PI4KA: variants seen among roughly 807,000 people sequenced by gnomAD.
The protein encoded by PI4KA is phosphatidylinositol 4-kinase alpha, also known as PI4-kinase alpha.
PI4KA carries 122 observed loss-of-function variants against 271.4 expected under a neutral mutation model. The ratio of observed to expected loss-of-function variants is 0.45; its 90% confidence interval spans 0.39 to 0.52. The LOEUF (loss-of-function observed/expected upper bound fraction) is 0.52, where lower values mean the gene tolerates loss of function less well. Ranked by LOEUF, PI4KA falls within the 20% of genes least tolerant of loss-of-function variation. The pLI is 0.00. For synonymous variants in PI4KA, 1,041 were observed against 1,078.8 expected (o/e 0.96, Z 0.69); for missense variants, 1,969 against 2,769.1 (o/e 0.71, Z 6.48).
intron 32 of PI4KA, among the ~76,000 whole-genome samples, chr22:20,739,090 A>C (rs1601375119): frequency 1.3e-5 from 2 of 151,978 alleles, no homozygotes; most frequent in South Asian, 4.2e-4. Flanking sequence ...TCACGCCTAA[A>C]ATCCCAACAC....
Position 20,805,818 on chromosome 22 carries a change from C to T in PI4KA, c.1169-653G>A, listed in dbSNP as rs1211228333. 2.7e-3 allele frequency among the ~76,000 whole-genome samples: 361 copies of T among 133,846 alleles called. 1 individual carries two copies. Among genetic ancestry groups the T allele is most frequent in the African/African-American group, 9.9e-3 (339 of 34,266 alleles). 87.8% of individuals were successfully genotyped at this position (133,846 alleles called of 152,430 possible). On this transcript the variant is annotated intron_variant, in intron 10 of 54. Coordinates refer to ENST00000255882, the MANE Select transcript of PI4KA (RefSeq NM_058004.4). ...CTGCATTCCAGCGTGGGCGACAGAG[C>T]GAGACTCCCATCTCAAAAAAAAAAA...
intron 43 of PI4KA, among the ~76,000 whole-genome samples, chr22:20,719,284 C>G (rs1264645164): frequency 6.6e-6 from 1 of 151,680 alleles, no homozygotes; most frequent in African/African-American, 2.4e-5. Context: ...GTGGGCGGGG[C>G]TCTATATTAA....
rs766479185 is a variant in PI4KA at position 20,729,315 on chromosome 22, G to A, written c.4680C>T (p.Ala1560=). The change falls in exon 39 of 55, where the codon GCC becomes GCT. Residue 1560 remains alanine (A), a splice_region_variant and synonymous_variant. Transcript: ENST00000255882. The part of the protein sequence containing the change: ...ISPYLAVQLP[A]RFKNTEAIGN... ...GGCTGTGGTGCCCGGGGGCCCACCT[G>A]GCAGGCAGCTGCACGGCTAGGTAGG... 2.7e-5 allele frequency: 44 copies of A among 1,612,228 alleles called. No homozygotes were observed. The South Asian group carries it at 4.2e-4, about 15-fold the overall frequency.
chr22:20,854,166 G>A (rs185600469), intron 1 of PI4KA, among the ~76,000 whole-genome samples: 25 of 152,274 alleles, frequency 1.6e-4, no homozygotes, highest in African/African-American at 5.3e-4. Flanking sequence ...TGTCGCCCAA[G>A]CCAGAATGCA....
At chr22:20,818,838 G>GC (rs1300365560) in intron 6 of PI4KA, among the ~76,000 whole-genome samples, 1 of 152,100 alleles carries the variant, frequency 6.6e-6, no homozygotes, top group Admixed American at 6.5e-5. Flanking sequence ...CTTCTTAAGG[G>GC]CACCAACTGT....
At chr22:20,787,027 G>C (rs1427198481) in intron 19 of PI4KA, 2 of 1,614,142 alleles carry the variant, frequency 1.2e-6, no homozygotes, top group Non-Finnish European at 1.7e-6. Context: ...CCAGCTGCCT[G>C]CTCTTCATGG....
At chr22:20,764,622 T>G in intron 22 of PI4KA, 195 bp downstream of exon 22, 2 of 528,020 alleles carry the variant, frequency 3.8e-6, no homozygotes, top group Non-Finnish European at 6.7e-6. Context: ...TACTGGGAGG[T>G]GTTACTATAC....
intron 10 of PI4KA, among the ~76,000 whole-genome samples, chr22:20,805,811 G>A (rs537968099): frequency 4.2e-5 from 6 of 143,308 alleles, no homozygotes; most frequent in Non-Finnish European, 6.0e-5. Context: ...CAGCGTGGGC[G>A]ACAGAGCGAG....
rs537177126 is a variant in PI4KA, at chr22:20,742,588, A to G, written c.3613+20T>C. 1.1e-4 allele frequency: 185 copies of G among 1,613,474 alleles called. 6 individuals carry two copies. The South Asian group carries it at 2.0e-3, about 17-fold the overall frequency. On this transcript the variant is annotated intron_variant, in intron 31 of 54. Coordinates refer to ENST00000255882, the MANE Select transcript of PI4KA (RefSeq NM_058004.4). ...CATTTAGAAACGAGCCCAGAATTCCACAGTGCTTCAGTGAGTTACCTTTAC... is the reference window on the plus strand; with the variant it reads ...CATTTAGAAACGAGCCCAGAATTCCGCAGTGCTTCAGTGAGTTACCTTTAC...
intron 1 of PI4KA, among the ~76,000 whole-genome samples, chr22:20,841,226 C>T (rs569049952): frequency 1.6e-4 from 25 of 152,176 alleles, no homozygotes; most frequent in African/African-American, 6.0e-4. Flanking sequence ...GATTTCCTCT[C>T]TCAGGCCAGG....
intron 22 of PI4KA, among the ~76,000 whole-genome samples, chr22:20,763,931 T>C (rs1000253180): frequency 1.3e-5 from 2 of 152,160 alleles, no homozygotes; most frequent in Admixed American, 1.3e-4. Flanking sequence ...GCCTTTCTTT[T>C]ATGTATTGAG....
rs765200092 is a variant in PI4KA at position 20,726,539 on chromosome 22, G to A, written c.4944C>T (p.Asp1648=). The A allele has an allele frequency of 1.6e-5, 25 of 1,585,616 alleles. No individual in the cohort carries two copies. Among genetic ancestry groups the A allele is most frequent in the East Asian group, 2.4e-5 (1 of 42,052 alleles). ...TCTGGGGGATGTAGAAGAGGATGGC[G>A]TCCTGTGGAGGTGGAGCAGAGTTGG... ...GVKVLRSFPP[D]AILFYIPQIV... The change falls in exon 42 of 55, where the codon GAC becomes GAT. Residue 1648 remains aspartate (D), a splice_region_variant and synonymous_variant. Coordinates refer to ENST00000255882, the MANE Select transcript of PI4KA (RefSeq NM_058004.4).
At chr22:20,779,548 A>G in intron 19 of PI4KA, 2 of 1,614,146 alleles carry the variant, frequency 1.2e-6, no homozygotes, top group Non-Finnish European at 1.7e-6. Context: ...GACGACGACT[A>G]TCTGGACCTG....
intron 1 of PI4KA, among the ~76,000 whole-genome samples, chr22:20,846,172 G>A (rs1264407872): frequency 6.8e-6 from 1 of 147,970 alleles, no homozygotes; most frequent in Non-Finnish European, 1.5e-5. Context: ...GCTGAGGCAG[G>A]AGAATGGCAT....
At chr22:20,777,591 T>C (rs1009337225) in intron 19 of PI4KA, among the ~76,000 whole-genome samples, 8 of 152,210 alleles carry the variant, frequency 5.3e-5, no homozygotes, top group Non-Finnish European at 1.2e-4. Context: ...TGGGCTCAAG[T>C]GATCTTCCTG....
intron 2 of PI4KA, among the ~76,000 whole-genome samples, chr22:20,835,779 T>G (rs1924784726): frequency 6.6e-6 from 1 of 151,488 alleles, no homozygotes; most frequent in African/African-American, 2.4e-5. Flanking sequence ...CCGGGTGCGG[T>G]GGCTCACACC....
At chr22:20,831,867 T>C (rs1407679206) in intron 3 of PI4KA, among the ~76,000 whole-genome samples, 1 of 152,178 alleles carries the variant, frequency 6.6e-6, no homozygotes, top group Non-Finnish European at 1.5e-5. Flanking sequence ...TTTTGGCCTC[T>C]CTAGTGAGAT....
At chr22:20,726,426 C>T (rs1009479246) in intron 42 of PI4KA, 62 bp downstream of exon 42, 2 of 1,400,462 alleles carry the variant, frequency 1.4e-6, no homozygotes, top group African/African-American at 1.7e-5. Context: ...ACAGACCGGG[C>T]ACAAGCTGGT....
At chr22:20,765,824 C>A (rs1932474180) in intron 19 of PI4KA, 131 bp from the exon 20 acceptor site, 1 of 634,196 alleles carries the variant, frequency 1.6e-6, no homozygotes, top group African/African-American at 1.8e-5. Context: ...TAGGAAAAGG[C>A]ACACTGAGCA....
Sources: allele counts gnomAD v4.1 joint callset (sites outside exome capture counted in the v4.1 genomes callset), GRCh38; gene constraint gnomAD v4.1.1; transcripts MANE v1.5; gene names NCBI Gene and HGNC (gene_info 2026-07-23, HGNC 2026-07-21).